The following COL14A1 variants were observed in gnomAD, a reference collection of about 807,000 sequenced individuals.
The protein encoded by COL14A1 is collagen alpha-1(XIV) chain.
A neutral mutation model predicts 230.3 loss-of-function variants in COL14A1; 136 were observed. That is an observed-to-expected ratio of 0.59 (90% CI 0.51 to 0.68). COL14A1 has a LOEUF of 0.68. Among genes scored for constraint, COL14A1 ranks in the 30% least tolerant of loss-of-function variants. The probability of loss-of-function intolerance (pLI) is 0.00; values close to 1 mark genes in which losing one functional copy is unlikely to be tolerated. For synonymous variants in COL14A1, 792 were observed against 784.1 expected, an observed-to-expected ratio of 1.01 and a Z score of -0.17; for missense variants, 1,976 against 2,215.8, an observed-to-expected ratio of 0.89 and a Z score of 2.17.
At chr8:120,208,206 C>T in intron 10 of COL14A1, 26 bp from the exon 11 acceptor site, 1 of 1,582,712 alleles carries the variant, frequency 6.3e-7, no homozygotes, top group Non-Finnish European at 8.6e-7. Flanking sequence ...TCCATACTCT[C>T]ATTACTCAAA....
chr8:120,347,782 T>G (rs1448201503), intron 45 of COL14A1, among the ~76,000 whole-genome samples: 1 of 152,240 alleles, frequency 6.6e-6, no homozygotes, highest in African/African-American at 2.4e-5. Flanking sequence ...TGTTGTTTTT[T>G]TCTGCTGTAT....
intron 6 of COL14A1, 49 bp downstream of exon 6, chr8:120,196,995 G>A: frequency 6.4e-7 from 1 of 1,565,100 alleles, no homozygotes; most frequent in Non-Finnish European, 8.7e-7. Context: ...GTGCAAAACT[G>A]CTGGGAAGTA....
At chr8:120,226,559 G>C in intron 15 of COL14A1, 68 bp from the exon 16 acceptor site, 1 of 1,550,644 alleles carries the variant, frequency 6.4e-7, no homozygotes, top group Non-Finnish European at 8.9e-7. Flanking sequence ...ACACCCCTGG[G>C]AGATACTTGG....
intron 6 of COL14A1, among the ~76,000 whole-genome samples, chr8:120,197,390 C>T (rs1488932981): frequency 6.6e-6 from 1 of 151,898 alleles, no homozygotes; most frequent in Non-Finnish European, 1.5e-5. Flanking sequence ...TGAGCAATTA[C>T]AAATATTTAT....
At chr8:120,200,250 T>C (rs1387902602) in intron 8 of COL14A1, among the ~76,000 whole-genome samples, 2 of 152,054 alleles carry the variant, frequency 1.3e-5, no homozygotes, top group Non-Finnish European at 2.9e-5. Context: ...TAACAGCGAA[T>C]TCCTTAATAG....
chr8:120,276,383 G>A (rs1586824261), intron 26 of COL14A1, among the ~76,000 whole-genome samples: 1 of 148,546 alleles, frequency 6.7e-6, no homozygotes, highest in African/African-American at 2.5e-5. Context: ...GGTGGATGAA[G>A]GATAAAAAAA....
chr8:120,235,326 T>C (rs1712111414), intron 19 of COL14A1, among the ~76,000 whole-genome samples: 1 of 151,962 alleles, frequency 6.6e-6, no homozygotes, highest in African/African-American at 2.4e-5. Flanking sequence ...CCTCCCACCA[T>C]GCCCGGCTAA....
intron 22 of COL14A1, among the ~76,000 whole-genome samples, 164 bp from the exon 23 acceptor site, chr8:120,255,076 A>G (rs1392889771): frequency 6.6e-6 from 1 of 152,230 alleles, no homozygotes; most frequent in Non-Finnish European, 1.5e-5. Context: ...CTCTCAAGTC[A>G]TAAAACATTT....
At chr8:120,297,399 GTAATGTATTAT>G (rs1463002098) in intron 34 of COL14A1, 101 bp from the exon 35 acceptor site, 2 of 477,228 alleles carry the variant, frequency 4.2e-6, no homozygotes, top group East Asian at 7.7e-5. Context: ...TTTACTTACT[GTAATGTATTAT>G]TAATGTATTG....
At chr8:120,325,596 G>A (rs769565570) in intron 40 of COL14A1, among the ~76,000 whole-genome samples, 4 of 152,078 alleles carry the variant, frequency 2.6e-5, no homozygotes, top group Admixed American at 6.6e-5. Flanking sequence ...GGGTTCAAGC[G>A]ATTCTCCTGC....
At chr8:120,188,588 A>C (rs1018457083) in intron 5 of COL14A1, among the ~76,000 whole-genome samples, 1 of 152,180 alleles carries the variant, frequency 6.6e-6, no homozygotes, top group Non-Finnish European at 1.5e-5. Flanking sequence ...CCATATATTG[A>C]GTGCTTTTCT....
intron 19 of COL14A1, among the ~76,000 whole-genome samples, chr8:120,241,222 C>T (rs1281836173): frequency 1.3e-5 from 2 of 152,128 alleles, no homozygotes; most frequent in African/African-American, 4.8e-5. Context: ...CTTTTCTAAC[C>T]ACTTGGTTTT....
intron 37 of COL14A1, among the ~76,000 whole-genome samples, chr8:120,313,053 T>A (rs997778174): frequency 2.6e-5 from 4 of 152,118 alleles, no homozygotes; most frequent in Admixed American, 2.0e-4. Flanking sequence ...GGATGTCTGA[T>A]CCTGAAAAGA....
At chr8:120,281,573 A>T (rs889634574) in intron 31 of COL14A1, among the ~76,000 whole-genome samples, 3 of 151,348 alleles carry the variant, frequency 2.0e-5, no homozygotes, top group African/African-American at 7.3e-5. Context: ...TTTAAAAAAA[A>T]AAAAAAAAAG....
chr8:120,274,795 G>A (rs1819787388), intron 26 of COL14A1, among the ~76,000 whole-genome samples: 1 of 151,590 alleles, frequency 6.6e-6, no homozygotes, highest in Admixed American at 6.6e-5. Flanking sequence ...TAACTAAAGA[G>A]ATGGAAATTC....
rs1171547429 is a variant in COL14A1 at position 120,243,931 on chromosome 8, A to G, written c.2402A>G (p.Asp801Gly). ...CTCCTTCTGAAGCCTCTGCTTCCTG[A>G]TACTGAATACAAAGTCACAGTGACT... ...NNLLLKPLLP[D>G]TEYKVTVTPI... The change falls in exon 20 of 48, where the codon GAT (aspartate) becomes GGT (glycine). Residue 801 changes from aspartate (D) to glycine (G), a missense_variant. Transcript: ENST00000297848. The G allele has an allele frequency of 6.2e-7, 1 of 1,613,660 alleles. No individual in the cohort carries two copies. Among genetic ancestry groups the G allele is most frequent in the Non-Finnish European group, 8.5e-7 (1 of 1,179,762 alleles).
intron 14 of COL14A1, among the ~76,000 whole-genome samples, chr8:120,220,686 CT>C (rs774158843): frequency 5.9e-5 from 9 of 152,154 alleles, no homozygotes; most frequent in Non-Finnish European, 1.2e-4. Flanking sequence ...TGCATTACCC[CT>C]CTCCCCAACT....
intron 37 of COL14A1, 140 bp downstream of exon 37, chr8:120,310,202 C>T (rs567455185): frequency 2.5e-5 from 18 of 718,264 alleles, no homozygotes; most frequent in South Asian, 2.7e-5. Flanking sequence ...TGTGCCTAAC[C>T]CTTCTTCCTT....
At chr8:120,163,244 T>C (rs1815744152) in intron 4 of COL14A1, among the ~76,000 whole-genome samples, 3 of 152,272 alleles carry the variant, frequency 2.0e-5, no homozygotes, top group African/African-American at 4.8e-5. Flanking sequence ...AGAGTACATA[T>C]AGGACTCTGT....
Sources: allele counts gnomAD v4.1 joint callset (sites outside exome capture counted in the v4.1 genomes callset), GRCh38; gene constraint gnomAD v4.1.1; transcripts MANE v1.5; gene names NCBI Gene and HGNC (gene_info 2026-07-23, HGNC 2026-07-21).